The following MYH16 variants were observed in gnomAD, a reference collection of about 807,000 sequenced individuals.
The protein encoded by MYH16 is putative uncharacterized protein MYH16.
chr7:99,294,516 A>G (rs1233445643), intron 33 of MYH16, among the ~76,000 whole-genome samples: 9 of 134,438 alleles, frequency 6.7e-5, no homozygotes, highest in East Asian at 2.1e-4. Context: ...AAAAAAAAAA[A>G]AAAAAAAAGA....
chr7:99,294,567 A>AT (rs1161923361), intron 33 of MYH16, among the ~76,000 whole-genome samples: 11 of 143,672 alleles, frequency 7.7e-5, no homozygotes, highest in Non-Finnish European at 1.1e-4. Context: ...ATATATATAT[A>AT]TTTTTTTTCT....
chr7:99,294,531 GAAAAAGAA>G (rs1374597532), intron 33 of MYH16, among the ~76,000 whole-genome samples: 60 of 104,232 alleles, frequency 5.8e-4, no homozygotes, highest in Non-Finnish European at 8.8e-4. Flanking sequence ...AAAAGAAAAA[GAAAAAGAA>G]AAAAAGAAAA....
At chr7:99,241,915 C>T (rs1337997517) in intron 1 of MYH16, among the ~76,000 whole-genome samples, 1 of 151,180 alleles carries the variant, frequency 6.6e-6, no homozygotes, top group Non-Finnish European at 1.5e-5. Flanking sequence ...GGCTGGAGTG[C>T]AGCGGCATGA....
At chr7:99,288,661 C>G (rs1338243778) in intron 29 of MYH16, among the ~76,000 whole-genome samples, 1 of 151,960 alleles carries the variant, frequency 6.6e-6, no homozygotes, top group East Asian at 1.9e-4. Context: ...GCACTCCAGC[C>G]TGGGCGACAG....
chr7:99,298,766 G>C (rs11769124), intron 36 of MYH16, among the ~76,000 whole-genome samples: 3 of 140,636 alleles, frequency 2.1e-5, no homozygotes, highest in Admixed American at 2.1e-4. Flanking sequence ...TTGTCTTGTC[G>C]CTTTTTTTTT....
chr7:99,310,549 C>T (rs1409763829), downstream of MYH16, among the ~76,000 whole-genome samples: 2 of 152,130 alleles, frequency 1.3e-5, no homozygotes, highest in Non-Finnish European at 2.9e-5. Context: ...CCCTCAAAAC[C>T]TCATGCAGAA....
chr7:99,310,284 G>A (rs1462372962), downstream of MYH16, among the ~76,000 whole-genome samples: 1 of 152,146 alleles, frequency 6.6e-6, no homozygotes, highest in African/African-American at 2.4e-5. Context: ...GCAGGGGTGA[G>A]GCTGTGAATG....
chr7:99,272,063 C>T (rs1350113394), intron 19 of MYH16, among the ~76,000 whole-genome samples: 2 of 152,168 alleles, frequency 1.3e-5, no homozygotes, highest in Non-Finnish European at 1.5e-5. Context: ...AGTATGACCA[C>T]CTCATCTTAA....
intron 18 of MYH16, among the ~76,000 whole-genome samples, chr7:99,270,519 A>G (rs1421921750): frequency 2.0e-5 from 3 of 151,248 alleles, no homozygotes; most frequent in Non-Finnish European, 4.4e-5. Flanking sequence ...GGGTTTCACC[A>G]TGTTAGCCAG....
chr7:99,296,371 G>A (rs906782104), intron 33 of MYH16, among the ~76,000 whole-genome samples: 4 of 152,132 alleles, frequency 2.6e-5, no homozygotes, highest in Non-Finnish European at 4.4e-5. Flanking sequence ...ATATTAAGGG[G>A]AGTTAGGCTG....
intron 36 of MYH16, among the ~76,000 whole-genome samples, chr7:99,298,766 G>T (rs11769124): frequency 2.1e-5 from 3 of 140,690 alleles, no homozygotes; most frequent in African/African-American, 5.7e-5. Context: ...TTGTCTTGTC[G>T]CTTTTTTTTT....
chr7:99,266,012 G>A lies in MYH16; in HGVS notation n.2145+325G>A, dbSNP rs568067258. Among the ~76,000 whole-genome samples the A allele has an allele frequency of 4.6e-5, 7 of 152,324 alleles. No homozygotes were observed. In the South Asian group the frequency reaches 1.4e-3, roughly 32 times the overall value. On this transcript the variant is annotated intron_variant and non_coding_transcript_variant, in intron 17 of 41. Coordinates refer to ENST00000439784, the Ensembl canonical transcript of MYH16. ...CTCAATCAGTGACTGAGGAGAGCTGGTGTATAAATACCTCAGCTCCCTCAC... is the reference window on the plus strand; with the variant it reads ...CTCAATCAGTGACTGAGGAGAGCTGATGTATAAATACCTCAGCTCCCTCAC...
At chr7:99,256,989 T>C (rs1489843959) in intron 9 of MYH16, among the ~76,000 whole-genome samples, 1 of 152,232 alleles carries the variant, frequency 6.6e-6, no homozygotes, top group African/African-American at 2.4e-5. Flanking sequence ...CCTCCCTTTC[T>C]TGAGCACTTA....
At position 99,284,950 on chromosome 7, in the gene MYH16, G is replaced by A. The variant is rs923763993; in HGVS notation, n.3316+15G>A. 8 of 456,420 alleles carry A rather than the reference G, an allele frequency of 1.8e-5. No individual in the cohort carries two copies. The highest frequency in any genetic ancestry group is 1.4e-4 in the African/African-American group (7 of 50,068). 28.3% of individuals were successfully genotyped at this position (456,420 alleles called of 1,614,324 possible). On this transcript the variant is annotated intron_variant and non_coding_transcript_variant, in intron 26 of 41. Coordinates refer to ENST00000439784, the Ensembl canonical transcript of MYH16. Reference sequence around the variant, plus strand: ...AGGAGCACCAGGTATGTCCAGGACCGAGAAGCATGAGCTCTCTGTCAGAAA... The same window carrying A: ...AGGAGCACCAGGTATGTCCAGGACCAAGAAGCATGAGCTCTCTGTCAGAAA...
chr7:99,271,059 A>G (rs967912652), exon 19 of MYH16: 1 of 152,590 alleles, frequency 6.6e-6, no homozygotes, highest in African/African-American at 2.4e-5. Context: ...GGGCTTCCTC[A>G]TGAGGGTGGA....
At chr7:99,270,263 G>T (rs1220522432) in intron 18 of MYH16, among the ~76,000 whole-genome samples, 2 of 151,424 alleles carry the variant, frequency 1.3e-5, no homozygotes. Flanking sequence ...CTTGAGTCCA[G>T]TAGTTCAAGG....
intron 36 of MYH16, among the ~76,000 whole-genome samples, chr7:99,298,548 T>C (rs1341360776): frequency 6.6e-6 from 1 of 152,158 alleles, no homozygotes; most frequent in African/African-American, 2.4e-5. Context: ...ACACTTTAGA[T>C]GTAGTATTTT....
At chr7:99,291,636 A>AC (rs1792381056) in intron 31 of MYH16, among the ~76,000 whole-genome samples, 186 bp downstream of exon 12, 1 of 64,820 alleles carries the variant, frequency 1.5e-5, no homozygotes, top group Middle Eastern at 9.4e-3. Flanking sequence ...CACCCCCCCC[A>AC]CCCCCAACGC....
intron 36 of MYH16, among the ~76,000 whole-genome samples, chr7:99,298,642 C>T: frequency 6.6e-6 from 1 of 152,074 alleles, no homozygotes; most frequent in East Asian, 1.9e-4. Flanking sequence ...TGTTCTTTGC[C>T]CCTTTCAAAA....
Sources: gnomAD v4.1 joint callset for allele counts (sites outside exome capture counted in the v4.1 genomes callset) on GRCh38, gnomAD v4.1.1 for gene constraint, MANE v1.5 for transcripts, NCBI Gene and HGNC (gene_info 2026-07-23, HGNC 2026-07-21) for gene names.